Variants in POU6F2 observed in about 807,000 individuals in gnomAD.
POU6F2 encodes the protein POU domain, class 6, transcription factor 2.
In POU6F2, 31 loss-of-function variants were observed where a neutral mutation model predicts 71.3. The ratio of observed to expected loss-of-function variants is 0.43; its 90% confidence interval spans 0.33 to 0.59. The LOEUF (loss-of-function observed/expected upper bound fraction) is 0.59, where lower values mean the gene tolerates loss of function less well. Ranked by LOEUF, POU6F2 falls within the 20% of genes least tolerant of loss-of-function variation. The probability of loss-of-function intolerance (pLI) is 0.04; values close to 1 mark genes in which losing one functional copy is unlikely to be tolerated. For synonymous variants in POU6F2, 347 were observed against 355.7 expected (o/e 0.98, Z 0.27); for missense variants, 783 against 856.8 (o/e 0.91, Z 1.07).
At chr7:39,030,558 A>C (rs1299432226) in intron 1 of POU6F2, among the ~76,000 whole-genome samples, 1 of 140,256 alleles carries the variant, frequency 7.1e-6, no homozygotes, top group African/African-American at 2.6e-5. Context: ...ACACATACAT[A>C]TATTCCATTG....
chr7:39,461,326 A>T (rs1487542164), intron 9 of POU6F2, among the ~76,000 whole-genome samples: 1 of 152,210 alleles, frequency 6.6e-6, no homozygotes, highest in Non-Finnish European at 1.5e-5. Context: ...CCCCCAAATT[A>T]AATAAATGAA....
chr7:39,197,219 GC>G (rs1793805862), intron 2 of POU6F2, among the ~76,000 whole-genome samples: 1 of 152,328 alleles, frequency 6.6e-6, no homozygotes, highest in Non-Finnish European at 1.5e-5. Context: ...GCTCCACTCT[GC>G]CCTTCTCAGG....
chr7:39,409,025 G>T (rs1430689408), intron 6 of POU6F2, among the ~76,000 whole-genome samples: 2 of 152,072 alleles, frequency 1.3e-5, no homozygotes, highest in Non-Finnish European at 2.9e-5. Context: ...TATTCCTTTG[G>T]CTTATGTTAA....
intron 4 of POU6F2, among the ~76,000 whole-genome samples, chr7:39,276,023 A>G (rs1784431537): frequency 6.6e-6 from 1 of 152,220 alleles, no homozygotes; most frequent in South Asian, 2.1e-4. Context: ...CACCAAAAGT[A>G]ATGGCAACAA....
At chr7:39,031,715 T>C (rs1002062551) in intron 1 of POU6F2, among the ~76,000 whole-genome samples, 1 of 151,994 alleles carries the variant, frequency 6.6e-6, no homozygotes, top group Non-Finnish European at 1.5e-5. Context: ...ACCCCGTCTC[T>C]AATAAAAATA....
chr7:39,432,685 G>T (rs1027677734), intron 6 of POU6F2, among the ~76,000 whole-genome samples: 1 of 152,038 alleles, frequency 6.6e-6, no homozygotes, highest in South Asian at 2.1e-4. Context: ...GGAGCCCCCC[G>T]GGGTTGGGGG....
At chr7:39,242,087 C>T (rs1164925505) in intron 4 of POU6F2, among the ~76,000 whole-genome samples, 1 of 152,036 alleles carries the variant, frequency 6.6e-6, no homozygotes, top group Admixed American at 6.6e-5. Context: ...GTGGATATAC[C>T]ACAGTTTGTT....
chr7:39,395,199 A>G (rs184030140), intron 5 of POU6F2, among the ~76,000 whole-genome samples: 38 of 152,176 alleles, frequency 2.5e-4, no homozygotes, highest in African/African-American at 8.2e-4. Flanking sequence ...ATAATATACA[A>G]GGTCCTCCCT....
intron 1 of POU6F2, among the ~76,000 whole-genome samples, chr7:38,991,076 C>T (rs775530322): frequency 6.6e-6 from 1 of 151,826 alleles, no homozygotes; most frequent in Non-Finnish European, 1.5e-5. Flanking sequence ...TATGCTGCCC[C>T]CTGGTTATTT....
At position 39,177,755 on chromosome 7, in the gene POU6F2, G is replaced by A. The variant is rs73365582; in HGVS notation, c.278-26480G>A. 6.5e-3 allele frequency among the ~76,000 whole-genome samples: 987 copies of A among 152,226 alleles called. 8 individuals carry two copies. Among genetic ancestry groups the A allele is most frequent in the African/African-American group, 0.023 (946 of 41,550 alleles). ...ATTTGTAACATTCTCAAGTTAGGAG[G>A]TGTCTCATAATCAGTTCTACTTTTG... On this transcript the variant is annotated intron_variant, in intron 2 of 9. Transcript: ENST00000518318.
At chr7:39,043,507 C>G (rs1038941410) in intron 1 of POU6F2, among the ~76,000 whole-genome samples, 1 of 151,786 alleles carries the variant, frequency 6.6e-6, no homozygotes, top group Non-Finnish European at 1.5e-5. Context: ...ATCAAACAGG[C>G]AAAATTGCAT....
intron 2 of POU6F2, among the ~76,000 whole-genome samples, chr7:39,160,396 G>A (rs1353982340): frequency 6.6e-6 from 1 of 152,026 alleles, no homozygotes; most frequent in Non-Finnish European, 1.5e-5. Flanking sequence ...CACTCTTCTG[G>A]TTTCTTCTAC....
At chr7:39,360,730 A>G (rs4437552) in intron 5 of POU6F2, among the ~76,000 whole-genome samples, 16,988 of 152,290 alleles carry the variant, frequency 0.11, 1,205 homozygotes, top group Non-Finnish European at 0.15. Flanking sequence ...GCCCATTTTT[A>G]TGGTTATTTC....
chr7:39,193,458 T>G (rs1178522691), intron 2 of POU6F2, among the ~76,000 whole-genome samples: 1 of 152,252 alleles, frequency 6.6e-6, no homozygotes, highest in Non-Finnish European at 1.5e-5. Context: ...GTGGTCTGTC[T>G]TTTTGAAATA....
Position 39,431,316 on chromosome 7 carries a change from A to C in POU6F2, c.1114-1761A>C, listed in dbSNP as rs2237388. Among the ~76,000 whole-genome samples, 1,516 of 152,286 alleles carry C rather than the reference A, an allele frequency of 1.0e-2. 25 individuals are homozygous for C. Among genetic ancestry groups the C allele is most frequent in the East Asian group, 0.061 (315 of 5,182 alleles). ...GGGCTTTTGTGGTGGAAGCAATGGC[A>C]TAGGGATGAGGAGGCTTTCTCCAGC... is the stretch of plus-strand genomic sequence containing the variant. On this transcript the variant is annotated intron_variant, in intron 6 of 9. Transcript: ENST00000518318.
intron 1 of POU6F2, chr7:39,005,132 G>C (rs1306092205): frequency 6.6e-6 from 1 of 152,224 alleles, no homozygotes; most frequent in Non-Finnish European, 1.5e-5. Context: ...ACTGGCTATA[G>C]CAGACCAAGG....
chr7:39,284,871 C>A (rs13246263), intron 4 of POU6F2, among the ~76,000 whole-genome samples: 22,868 of 152,174 alleles, frequency 0.15, 1,829 homozygotes, highest in Middle Eastern at 0.25. Context: ...GCCCAAATAT[C>A]TGTAGTCCCT....
intron 1 of POU6F2, 134 bp from the exon 2 acceptor site, chr7:39,085,726 T>C: frequency 2.2e-6 from 2 of 912,512 alleles, no homozygotes; most frequent in African/African-American, 1.7e-5. Flanking sequence ...CAGCCAGAGA[T>C]AAGAGAGAGA....
intron 2 of POU6F2, among the ~76,000 whole-genome samples, chr7:39,186,267 C>A (rs187800894): frequency 6.6e-6 from 1 of 152,130 alleles, no homozygotes; most frequent in Non-Finnish European, 1.5e-5. Context: ...AGCTCTCCTG[C>A]GGGGCAAGGA....
Sources: allele counts gnomAD v4.1 joint callset (sites outside exome capture counted in the v4.1 genomes callset), GRCh38; gene constraint gnomAD v4.1.1; transcripts MANE v1.5; gene names NCBI Gene and HGNC (gene_info 2026-07-23, HGNC 2026-07-21).